The following VAV1 variants were observed in gnomAD, a reference collection of about 807,000 sequenced individuals.
VAV1 encodes proto-oncogene vav.
Under a neutral mutation model 128.1 loss-of-function variants are expected in VAV1, and 33 were observed. The ratio of observed to expected loss-of-function variants is 0.26; its 90% CI spans 0.20 to 0.34. The LOEUF (loss-of-function observed/expected upper bound fraction) is 0.34, where lower values mean the gene tolerates loss of function less well. VAV1 is among the 10% of genes least tolerant of loss of function. The pLI, the probability that VAV1 is intolerant of heterozygous loss-of-function variation, is 1.00. For synonymous variants in VAV1, 394 were observed against 409.8 expected, an observed-to-expected ratio of 0.96 and a Z score of 0.47; for missense variants, 715 against 1,093.7, an observed-to-expected ratio of 0.65 and a Z score of 4.88.
Position 6,848,186 on chromosome 19 carries a change from G to A in VAV1, c.2129+72G>A, listed in dbSNP as rs1972573090. On this transcript the variant is annotated intron_variant, in intron 23 of 26. Coordinates refer to ENST00000602142, the MANE Select transcript of VAV1 (RefSeq NM_005428.4). ...GCGGGCCTGGGAAAAAGGGTATCCA[G>A]GTTTTACTTTATAGAAGTGTACGGT... 8 of 1,419,104 alleles carry A rather than the reference G, an allele frequency of 5.6e-6. No individual in the cohort carries two copies. The South Asian group carries it at 1.1e-4, about 20-fold the overall frequency. The allele number at this position is 1,419,104 out of a possible 1,614,324, so 87.9% of individuals were successfully genotyped here.
chr19:6,856,399 C>T (rs528998117), intron 26 of VAV1, among the ~76,000 whole-genome samples: 94 of 151,656 alleles, frequency 6.2e-4, no homozygotes, highest in Admixed American at 2.2e-3. Flanking sequence ...ATGAATCAGA[C>T]GGTGATATGT....
intron 1 of VAV1, among the ~76,000 whole-genome samples, chr19:6,815,826 G>C (rs1318569177): frequency 1.3e-5 from 2 of 152,092 alleles, no homozygotes; most frequent in Non-Finnish European, 2.9e-5. Context: ...TGAAAATTGA[G>C]AGCATGGTGG....
intron 14 of VAV1, among the ~76,000 whole-genome samples, chr19:6,831,724 C>G (rs185190374): frequency 6.6e-6 from 1 of 152,306 alleles, no homozygotes; most frequent in African/African-American, 2.4e-5. Context: ...GGACCACATC[C>G]TATTCACTGC....
chr19:6,844,563 A>T (rs1437491811), intron 22 of VAV1, among the ~76,000 whole-genome samples: 3 of 152,132 alleles, frequency 2.0e-5, no homozygotes, highest in Non-Finnish European at 4.4e-5. Context: ...CAGGTGCACT[A>T]TTGCCATTTA....
intron 22 of VAV1, among the ~76,000 whole-genome samples, chr19:6,847,551 T>C (rs1212399799): frequency 6.6e-6 from 1 of 152,162 alleles, no homozygotes; most frequent in African/African-American, 2.4e-5. Flanking sequence ...TAGAATACTG[T>C]TTGTTTTACT....
Position 6,828,806 on chromosome 19 carries a change from AC to A in VAV1, c.1180-8del. The A allele has an allele frequency of 6.2e-7, 1 of 1,614,114 alleles. No individual in the cohort carries two copies. The highest frequency in any genetic ancestry group is 1.3e-5 in the African/African-American group (1 of 75,024). On this transcript the variant is annotated splice_polypyrimidine_tract_variant and splice_region_variant and intron_variant, in intron 12 of 26. Transcript: ENST00000602142. The surrounding 1 kb of genome is among the most constrained non-coding windows in gnomAD (Gnocchi z 4.5). ...GAGACCCTTGCTAGACCCCCTGCCTACTGCATAGGACCAGTCTCTGGCTCAC... is the reference window on the plus strand; with the variant it reads ...GAGACCCTTGCTAGACCCCCTGCCTATGCATAGGACCAGTCTCTGGCTCAC...
At chr19:6,852,925 G>T (rs1412725847) in intron 24 of VAV1, 40 bp from the exon 25 acceptor site, 1 of 1,559,784 alleles carries the variant, frequency 6.4e-7, no homozygotes, top group Non-Finnish European at 8.8e-7. Flanking sequence ...TTATGGGCTG[G>T]CCCGCTGGGA....
At chr19:6,813,471 A>T (rs908242282) in intron 1 of VAV1, among the ~76,000 whole-genome samples, 1 of 152,190 alleles carries the variant, frequency 6.6e-6, no homozygotes, top group Admixed American at 6.5e-5. Flanking sequence ...AAGGCATCTT[A>T]ACTTATGTAT....
At chr19:6,838,725 C>A (rs954330812) in intron 21 of VAV1, among the ~76,000 whole-genome samples, 1 of 151,906 alleles carries the variant, frequency 6.6e-6, no homozygotes, top group Non-Finnish European at 1.5e-5. Context: ...TTCTATCTAT[C>A]TATCTCTTAA....
At chr19:6,813,705 T>C (rs1449360068) in intron 1 of VAV1, among the ~76,000 whole-genome samples, 1 of 152,144 alleles carries the variant, frequency 6.6e-6, no homozygotes, top group Non-Finnish European at 1.5e-5. Context: ...GGGTTTTTAA[T>C]TGAAATTGGA....
intron 1 of VAV1, among the ~76,000 whole-genome samples, chr19:6,790,932 A>G (rs1442958862): frequency 6.6e-6 from 1 of 152,160 alleles, no homozygotes; most frequent in East Asian, 1.9e-4. Context: ...ATGGAGAGGC[A>G]CTTTTGCCTC....
rs1274407679 is a variant in VAV1 at position 6,821,926 on chromosome 19, G to C, written c.449+67G>C. ...CGTCCTGGGGGTGGAGGGTGTGGGG[G>C]GACATGGCCTTGCCCTCCGGGAAAT... On this transcript the variant is annotated intron_variant, in intron 4 of 26. Transcript: ENST00000602142. 1.9e-5 allele frequency: 30 copies of C among 1,595,156 alleles called. No individual in the cohort carries two copies. In the African/African-American group the frequency reaches 2.1e-4, roughly 11 times the overall value.
intron 21 of VAV1, 90 bp from the exon 22 acceptor site, chr19:6,843,045 G>A (rs1274804083): frequency 7.3e-7 from 1 of 1,375,452 alleles, no homozygotes; most frequent in African/African-American, 1.4e-5. Flanking sequence ...CAAGTGGAAT[G>A]AGTGAATGAA....
intron 1 of VAV1, among the ~76,000 whole-genome samples, chr19:6,782,683 T>C (rs1377957490): frequency 6.6e-6 from 1 of 151,896 alleles, no homozygotes; most frequent in African/African-American, 2.4e-5. Context: ...AGTTTGAGAC[T>C]AGCTTGGGCA....
chr19:6,789,437 G>T (rs1465515402), intron 1 of VAV1, among the ~76,000 whole-genome samples: 1 of 152,058 alleles, frequency 6.6e-6, no homozygotes, highest in Non-Finnish European at 1.5e-5. Context: ...TATTTTCGTA[G>T]AGATGGGGTT....
At chr19:6,806,035 G>C (rs1158884756) in intron 1 of VAV1, among the ~76,000 whole-genome samples, 1 of 152,068 alleles carries the variant, frequency 6.6e-6, no homozygotes, top group Non-Finnish European at 1.5e-5. Flanking sequence ...CTAATTACAG[G>C]TCAACAAACC....
chr19:6,803,697 TG>T lies in VAV1; in HGVS notation c.205-17002del, dbSNP rs1193534441. Among the ~76,000 whole-genome samples, 4 of 152,118 alleles carry T rather than the reference TG, an allele frequency of 2.6e-5. No individual in the cohort carries two copies. The East Asian group carries it at 7.7e-4, about 29-fold the overall frequency. On this transcript the variant is annotated intron_variant, in intron 1 of 26. Transcript: ENST00000602142. ...CTCCTGCCTCAGCCTCCTGAGTAGC[TG>T]GGTTTACTGGCACCTGCCACCACAC...
rs373052003 is a variant in VAV1 at position 6,853,095 on chromosome 19, C to T, written c.2332+16C>T. On this transcript the variant is annotated intron_variant, in intron 25 of 26. Coordinates refer to ENST00000602142, the MANE Select transcript of VAV1 (RefSeq NM_005428.4). ...AGGCCAGCAGGTAGGAGGTCTCAGA[C>T]TGGGGGCTTACAGCCTCAGCCCCTT... 5.6e-6 allele frequency: 9 copies of T among 1,608,670 alleles called. No individual in the cohort carries two copies. In the South Asian group the frequency reaches 9.9e-5, roughly 18 times the overall value.
rs190132307 is a variant in VAV1, at chr19:6,855,031, G to A, written c.2484+933G>A. ...TGCTTGAATTCCGATTCCAAGGAGT[G>A]GAATAGACTTCAAATGTCTTCAAGT... On this transcript the variant is annotated intron_variant, in intron 26 of 26. Transcript: ENST00000602142. Among the ~76,000 whole-genome samples, 22 of 152,254 alleles carry A rather than the reference G, an allele frequency of 1.4e-4. 1 individual carries two copies. The highest frequency in any genetic ancestry group is 1.2e-3 in the Admixed American group (19 of 15,290).
Sources: allele counts gnomAD v4.1 joint callset (sites outside exome capture counted in the v4.1 genomes callset), GRCh38; gene constraint gnomAD v4.1.1; non-coding constraint Gnocchi (gnomAD v3.1); transcripts MANE v1.5; gene names NCBI Gene and HGNC (gene_info 2026-07-23, HGNC 2026-07-21).